RANBP2: variants seen among roughly 807,000 people sequenced by gnomAD.
RANBP2 encodes the protein E3 SUMO-protein ligase RanBP2.
Under a neutral mutation model 303.6 loss-of-function variants are expected in RANBP2, and 57 were observed. The observed-to-expected ratio is 0.19, with a 90% CI of 0.15 to 0.23. The LOEUF is 0.23. Among genes scored for constraint, RANBP2 ranks in the 10% least tolerant of loss-of-function variants. RANBP2 has a pLI of 1.00. For synonymous variants in RANBP2, 1,167 were observed against 1,301.5 expected (o/e 0.90, Z 2.23); for missense variants, 3,138 against 3,780.8 (o/e 0.83, Z 4.46).
the RANBP2 span, among the ~76,000 whole-genome samples, chr2:109,657,619 T>C: frequency 1.3e-5 from 2 of 151,782 alleles, no homozygotes; most frequent in African/African-American, 4.8e-5. Context: ...TGCATTTAAC[T>C]AGGAATAAGA....
At chr2:109,273,938 G>T in the RANBP2 span, among the ~76,000 whole-genome samples, 2 of 152,082 alleles carry the variant, frequency 1.3e-5, no homozygotes, top group African/African-American at 4.8e-5. Flanking sequence ...CTTGCTTTAG[G>T]GCTATGTGAC....
chr2:108,811,825 T>G, the RANBP2 span, among the ~76,000 whole-genome samples: 1 of 152,152 alleles, frequency 6.6e-6, no homozygotes, highest in Non-Finnish European at 1.5e-5. Context: ...TCCATATGTG[T>G]GTACCCATTG....
the RANBP2 span, among the ~76,000 whole-genome samples, chr2:109,489,495 G>T: frequency 6.6e-6 from 1 of 152,222 alleles, no homozygotes; most frequent in Admixed American, 6.5e-5. Context: ...CCACTTAGAA[G>T]AGCTGGGGGA....
the RANBP2 span, among the ~76,000 whole-genome samples, chr2:109,251,876 G>A: frequency 1.3e-5 from 2 of 152,086 alleles, no homozygotes; most frequent in Non-Finnish European, 2.9e-5. Context: ...AAGAGGATGG[G>A]TTCCAGGGTT....
the RANBP2 span, among the ~76,000 whole-genome samples, chr2:109,233,099 G>T: frequency 6.6e-6 from 1 of 152,188 alleles, no homozygotes; most frequent in Admixed American, 6.5e-5. Context: ...CAGTGGCGAG[G>T]GGTGTGTTAC....
the RANBP2 span, among the ~76,000 whole-genome samples, chr2:109,325,565 CT>C: frequency 6.6e-6 from 1 of 151,998 alleles, no homozygotes; most frequent in Non-Finnish European, 1.5e-5. Flanking sequence ...TACAACATCC[CT>C]TAATATGGCT....
the RANBP2 span, chr2:108,875,975 T>G: frequency 1.6e-6 from 1 of 644,894 alleles, no homozygotes; most frequent in Non-Finnish European, 2.5e-6. Context: ...TCTCCACTGT[T>G]TTTAAAAACA....
chr2:109,054,676 G>A, the RANBP2 span, among the ~76,000 whole-genome samples: 1 of 148,006 alleles, frequency 6.8e-6, no homozygotes, highest in Non-Finnish European at 1.5e-5. Context: ...CTGCAGCCTG[G>A]CAACAGTGAG....
chr2:109,522,293 C>A, the RANBP2 span, among the ~76,000 whole-genome samples: 80 of 147,386 alleles, frequency 5.4e-4, no homozygotes, highest in East Asian at 0.013. Flanking sequence ...TAAAAAAAAA[C>A]CTTTTTTTTT....
the RANBP2 span, among the ~76,000 whole-genome samples, chr2:109,001,649 T>C: frequency 1.3e-5 from 2 of 152,220 alleles, no homozygotes; most frequent in Non-Finnish European, 2.9e-5. Context: ...ACACACAGAA[T>C]TGGCCCTAAA....
chr2:108,962,863 C>A, the RANBP2 span, among the ~76,000 whole-genome samples: 1 of 151,988 alleles, frequency 6.6e-6, no homozygotes, highest in African/African-American at 2.4e-5. Context: ...CAAAGATCCT[C>A]ACTCTTCAAT....
the RANBP2 span, among the ~76,000 whole-genome samples, chr2:109,110,226 AGT>A: frequency 6.6e-6 from 1 of 152,130 alleles, no homozygotes. Context: ...TGGGGTCTTT[AGT>A]AAATAGGAGG....
chr2:109,186,299 T>C, the RANBP2 span, among the ~76,000 whole-genome samples: 1 of 152,258 alleles, frequency 6.6e-6, no homozygotes. Context: ...ACTGCAGCCC[T>C]AGTGGCAGGT....
the RANBP2 span, among the ~76,000 whole-genome samples, chr2:109,418,119 C>T: frequency 2.0e-5 from 3 of 152,146 alleles, no homozygotes; most frequent in East Asian, 5.8e-4. Context: ...CCCCACCAAA[C>T]CTGCCTTTGG....
At chr2:109,514,109 G>A in the RANBP2 span, among the ~76,000 whole-genome samples, 1 of 152,222 alleles carries the variant, frequency 6.6e-6, no homozygotes, top group Non-Finnish European at 1.5e-5. Flanking sequence ...CCTGGTTTAT[G>A]TTGCTCCATC....
At chr2:109,529,973 G>A in the RANBP2 span, among the ~76,000 whole-genome samples, 1 of 152,150 alleles carries the variant, frequency 6.6e-6, no homozygotes, top group African/African-American at 2.4e-5. Flanking sequence ...CAACCATAAC[G>A]ACTGTTTTCT....
At chr2:109,638,776 A>G in the RANBP2 span, among the ~76,000 whole-genome samples, 1 of 152,148 alleles carries the variant, frequency 6.6e-6, no homozygotes, top group African/African-American at 2.4e-5. Context: ...GCTTGATCTC[A>G]GCTGCAAAGA....
At chr2:109,284,816 TGTGTGTGGG>T in the RANBP2 span, among the ~76,000 whole-genome samples, 5 of 143,616 alleles carry the variant, frequency 3.5e-5, no homozygotes, top group African/African-American at 1.5e-4. Context: ...TCAGATGACA[TGTGTGTGGG>T]GTGTGTGTGT....
chr2:109,209,791 G>A, the RANBP2 span, among the ~76,000 whole-genome samples: 1 of 152,160 alleles, frequency 6.6e-6, no homozygotes, highest in Non-Finnish European at 1.5e-5. Flanking sequence ...TTGGTAGAAT[G>A]ACAAATTGGA....
Sources: allele counts gnomAD v4.1 joint callset (sites outside exome capture counted in the v4.1 genomes callset), GRCh38; gene constraint gnomAD v4.1.1; transcripts MANE v1.5; gene names NCBI Gene and HGNC (gene_info 2026-07-23, HGNC 2026-07-21).